RHOH: variants seen among roughly 807,000 people sequenced by gnomAD.
The protein encoded by RHOH is rho-related GTP-binding protein RhoH.
A neutral mutation model predicts 13.8 loss-of-function variants in RHOH; 6 were observed. That is an observed-to-expected ratio of 0.44 (90% CI 0.24 to 0.86). The LOEUF is 0.86. RHOH is among the 40% of genes least tolerant of loss of function. RHOH has a pLI of 0.24. For missense variants in RHOH, 147 were observed against 244.5 expected, an observed-to-expected ratio of 0.60 and a Z score of 2.66; for synonymous variants, 117 against 103.0, an observed-to-expected ratio of 1.14 and a Z score of -0.82.
chr4:40,217,334 T>C (rs1726008551), intron 1 of RHOH, among the ~76,000 whole-genome samples: 1 of 152,210 alleles, frequency 6.6e-6, no homozygotes, highest in African/African-American at 2.4e-5. Context: ...CAGGATGTGT[T>C]TGTATTTTCT....
intron 1 of RHOH, among the ~76,000 whole-genome samples, chr4:40,236,648 G>A (rs1243599153): frequency 1.3e-5 from 2 of 151,996 alleles, no homozygotes; most frequent in Non-Finnish European, 2.9e-5. Context: ...AAAATTAGCT[G>A]GGCGTGGTGG....
upstream of RHOH, chr4:40,191,417 T>A (rs2109323081): frequency 6.6e-6 from 1 of 152,316 alleles, no homozygotes; most frequent in East Asian, 1.9e-4. Context: ...TGTTTTGTAG[T>A]TTATTAAGCT....
At chr4:40,208,640 T>C (rs1277770387) in intron 1 of RHOH, among the ~76,000 whole-genome samples, 1 of 152,220 alleles carries the variant, frequency 6.6e-6, no homozygotes, top group Non-Finnish European at 1.5e-5. Flanking sequence ...TTGTGAGTTT[T>C]GGGCAGCAAC....
At position 40,216,634 on chromosome 4, in the gene RHOH, C is replaced by T. The variant is rs566080825; in HGVS notation, c.-331+19334C>T. 7.2e-5 allele frequency among the ~76,000 whole-genome samples: 11 copies of T among 152,176 alleles called. No individual in the cohort carries two copies. In the South Asian group the frequency reaches 1.4e-3, roughly 20 times the overall value. Reference sequence around the variant, plus strand: ...CAATGTGTGTACCAATGGTGGGAAACAAGATCTTTTTAGGGCAAGCATTTA... The same window carrying T: ...CAATGTGTGTACCAATGGTGGGAAATAAGATCTTTTTAGGGCAAGCATTTA... On this transcript the variant is annotated intron_variant, in intron 1 of 2. Coordinates refer to ENST00000381799, the MANE Select transcript of RHOH (RefSeq NM_004310.5).
intron 1 of RHOH, among the ~76,000 whole-genome samples, chr4:40,203,963 A>G (rs1174366231): frequency 6.6e-6 from 1 of 152,208 alleles, no homozygotes; most frequent in Non-Finnish European, 1.5e-5. Context: ...GTATGATAAC[A>G]TTATGTTAAA....
intron 1 of RHOH, among the ~76,000 whole-genome samples, chr4:40,229,770 A>G (rs1041214674): frequency 6.6e-6 from 1 of 152,184 alleles, no homozygotes; most frequent in Admixed American, 6.5e-5. Context: ...CTCAACCTCA[A>G]TAGTTCTTAA....
At position 40,246,317 on chromosome 4, in the gene RHOH, C is replaced by G. The variant is rs1729763106; in HGVS notation, c.*2355C>G. On this transcript the variant is annotated 3_prime_UTR_variant, in exon 3 of 3. Coordinates refer to ENST00000381799, the MANE Select transcript of RHOH (RefSeq NM_004310.5). ...TCTGAAAGTGGGAAGGGCCACCATA[C>G]ATGATCCTAAGTGAAGGAAGAGGAG... 3 of 152,474 alleles carry G rather than the reference C, an allele frequency of 2.0e-5. No homozygotes were observed. Among genetic ancestry groups the G allele is most frequent in the Admixed American group, 2.0e-4 (3 of 15,298 alleles). The allele number at this position is 152,474 out of a possible 1,614,324, so 9.4% of individuals were successfully genotyped here.
chr4:40,241,979 T>G (rs888509947), intron 1 of RHOH, among the ~76,000 whole-genome samples: 1 of 152,228 alleles, frequency 6.6e-6, no homozygotes, highest in Non-Finnish European at 1.5e-5. Context: ...ATCAGACGTG[T>G]AGGTTTGCTT....
chr4:40,233,022 C>T (rs1185676729), intron 1 of RHOH, among the ~76,000 whole-genome samples: 1 of 152,150 alleles, frequency 6.6e-6, no homozygotes, highest in Admixed American at 6.5e-5. Context: ...TTTGCTAGTA[C>T]CTGTTTTGTT....
chr4:40,216,490 A>G (rs191098935), intron 1 of RHOH, among the ~76,000 whole-genome samples: 69 of 152,242 alleles, frequency 4.5e-4, no homozygotes, highest in African/African-American at 1.6e-3. Flanking sequence ...AGAAACAAAA[A>G]ATAAAAACAT....
At chr4:40,242,187 C>T (rs991346576) in intron 1 of RHOH, among the ~76,000 whole-genome samples, 2 of 152,210 alleles carry the variant, frequency 1.3e-5, no homozygotes, top group African/African-American at 4.8e-5. Flanking sequence ...TGGGGCTTTC[C>T]CACTGCACTG....
intron 1 of RHOH, among the ~76,000 whole-genome samples, chr4:40,236,101 G>A (rs1475964294): frequency 6.6e-6 from 1 of 152,216 alleles, no homozygotes; most frequent in Non-Finnish European, 1.5e-5. Flanking sequence ...GAATTACAGT[G>A]TGTGTTGGTG....
At chr4:40,232,961 C>A (rs1728122372) in intron 1 of RHOH, among the ~76,000 whole-genome samples, 1 of 152,180 alleles carries the variant, frequency 6.6e-6, no homozygotes, top group Non-Finnish European at 1.5e-5. Flanking sequence ...TGCTCCCTCT[C>A]CTGTGTGTCT....
chr4:40,215,228 G>A (rs1725733948), intron 1 of RHOH, among the ~76,000 whole-genome samples: 1 of 152,094 alleles, frequency 6.6e-6, no homozygotes, highest in South Asian at 2.1e-4. Context: ...TGAGAATGAG[G>A]GAAATAGGAG....
At chr4:40,214,350 G>T (rs926704842) in intron 1 of RHOH, among the ~76,000 whole-genome samples, 33 of 152,358 alleles carry the variant, frequency 2.2e-4, no homozygotes, top group African/African-American at 7.5e-4. Flanking sequence ...GGGGTTATGA[G>T]ATTTCAGAAG....
At chr4:40,229,261 A>C (rs994078918) in intron 1 of RHOH, among the ~76,000 whole-genome samples, 3 of 152,176 alleles carry the variant, frequency 2.0e-5, no homozygotes, top group Non-Finnish European at 2.9e-5. Context: ...TACTTGAAAA[A>C]GTCACTATAG....
intron 1 of RHOH, among the ~76,000 whole-genome samples, chr4:40,235,616 GA>G (rs61162231): frequency 0.083 from 10,117 of 122,310 alleles, 450 homozygotes; most frequent in African/African-American, 0.11. Context: ...AAAGAAAAAA[GA>G]AAAAAAAAAA....
intron 1 of RHOH, among the ~76,000 whole-genome samples, chr4:40,208,689 A>G (rs898251646): frequency 6.6e-6 from 1 of 152,186 alleles, no homozygotes; most frequent in Non-Finnish European, 1.5e-5. Context: ...GTCTTTGACC[A>G]TGTTTAAGAA....
intron 1 of RHOH, among the ~76,000 whole-genome samples, chr4:40,217,811 C>T (rs573500051): frequency 2.6e-5 from 4 of 152,254 alleles, no homozygotes; most frequent in South Asian, 2.1e-4. Flanking sequence ...CTGCTAGAAA[C>T]GGAATTAGGA....
Sources: allele counts gnomAD v4.1 joint callset (sites outside exome capture counted in the v4.1 genomes callset), GRCh38; gene constraint gnomAD v4.1.1; transcripts MANE v1.5; gene names NCBI Gene and HGNC (gene_info 2026-07-23, HGNC 2026-07-21).